UGT1A3: variants seen among roughly 807,000 people sequenced by gnomAD.
UGT1A3 encodes the protein UDP glucuronosyltransferase family 1 member A3.
UGT1A3 carries 31 observed loss-of-function variants against 41.0 expected under a neutral mutation model. The observed-to-expected ratio is 0.76, with a 90% CI of 0.57 to 1.02. The LOEUF (loss-of-function observed/expected upper bound fraction) is 1.02. Ranked by LOEUF, UGT1A3 falls within the 50% of genes least tolerant of loss-of-function variation. The pLI, the probability that UGT1A3 is intolerant of heterozygous loss-of-function variation, is 0.00. For missense variants in UGT1A3, 737 were observed against 671.0 expected (o/e 1.10, Z -1.09); for synonymous variants, 262 against 257.6 (o/e 1.02, Z -0.17).
In UGT1A3 at chr2:233,729,061, T is replaced by C. The variant is rs3806596; in HGVS notation, c.-66T>C. On this transcript the variant is annotated 5_prime_UTR_variant, in exon 1 of 5. An upstream start codon of the reference 5' UTR is lost. Transcript: ENST00000482026. ...TGGCTCAGTGACAAGGTAATTAAGA[T>C]GAAGAAAGCAAATGTAGCAGGCACA... The C allele has an allele frequency of 0.47, 753,810 of 1,610,256 alleles. 184,343 individuals are homozygous for C. Among genetic ancestry groups the C allele is most frequent in the African/African-American group, 0.83 (61,848 of 74,960 alleles).
rs3064744 is a variant in UGT1A3, at chr2:233,760,233, C to CAT, written c.868-6787_868-6786dup. 448,036 of 1,466,600 alleles carry CAT rather than the reference C, an allele frequency of 0.31. 31,217 individuals are homozygous for CAT. The highest frequency in any genetic ancestry group is 0.38 in the African/African-American group (27,001 of 71,942). The allele number at this position is 1,466,600 out of a possible 1,614,324, so 90.8% of individuals were successfully genotyped here. ...ACTTGGTGTATCGATTGGTTTTTGC[C>CAT]ATATATATATATATAAGTAGGAGAG... On this transcript the variant is annotated intron_variant, in intron 1 of 4. Coordinates refer to ENST00000482026, the MANE Select transcript of UGT1A3 (RefSeq NM_019093.4).
chr2:233,734,413 C>G (rs1324994664), intron 1 of UGT1A3, among the ~76,000 whole-genome samples: 1 of 152,086 alleles, frequency 6.6e-6, no homozygotes, highest in Non-Finnish European at 1.5e-5. Flanking sequence ...ATTCTTCTCT[C>G]TTTTCTTCTT....
chr2:233,768,235 G>T lies in UGT1A3; in HGVS notation c.1103G>T (p.Arg368Leu), dbSNP rs374047963. 32 of 1,614,018 alleles carry T rather than the reference G, an allele frequency of 2.0e-5. No homozygotes were observed. Among genetic ancestry groups the T allele is most frequent in the African/African-American group, 1.3e-5 (1 of 74,898 alleles). Residue 368 changes from arginine (R) to leucine (L), a missense_variant, in exon 4 of 5, where the codon CGT becomes CTT. Physicochemically the swap from Arg to Leu is moderately radical, Grantham distance 102. Transcript: ENST00000482026. ...QNDLLGHPMT[R>L]AFITHAGSHG... is the part of the protein sequence containing the mutation. ...TGCATCTCAGGTCACCCGATGACCC[G>T]TGCCTTTATCACCCATGCTGGTTCC...
rs189834319 is a variant in UGT1A3, at chr2:233,769,760, C to T, written c.1307+1321C>T. On this transcript the variant is annotated intron_variant, in intron 4 of 4. Transcript: ENST00000482026. The surrounding 1 kb of genome is among the most constrained non-coding windows in gnomAD (Gnocchi z 4.4). ...GTCCCAGCCACTCTGGAGGCTAAGG[C>T]GGGAGGATTGCTTGAGCCCAGAAGT... The T allele has an allele frequency of 8.3e-4, 1,153 of 1,396,052 alleles. 4 individuals are homozygous for T. The African/African-American group carries it at 9.8e-3, about 12-fold the overall frequency. 86.5% of individuals were successfully genotyped at this position (1,396,052 alleles called of 1,614,324 possible).
intron 1 of UGT1A3, among the ~76,000 whole-genome samples, chr2:233,759,718 G>C (rs914055324): frequency 2.0e-5 from 3 of 151,782 alleles, no homozygotes; most frequent in African/African-American, 7.3e-5. Context: ...TCGTGTGGTG[G>C]GCTCTGCTGC....
chr2:233,749,951 T>C (rs566356604), intron 1 of UGT1A3, among the ~76,000 whole-genome samples: 1 of 151,998 alleles, frequency 6.6e-6, no homozygotes, highest in South Asian at 2.1e-4. Context: ...AATTACCGAG[T>C]CTTGGGTATG....
At chr2:233,764,379 G>A (rs1698547509) in intron 1 of UGT1A3, among the ~76,000 whole-genome samples, 1 of 152,204 alleles carries the variant, frequency 6.6e-6, no homozygotes, top group South Asian at 2.1e-4. Flanking sequence ...TCAGGTAGGA[G>A]TTGGCCGTGA....
At chr2:233,754,816 C>A (rs1436374253) in intron 1 of UGT1A3, 2 of 1,325,550 alleles carry the variant, frequency 1.5e-6, no homozygotes, top group Admixed American at 3.9e-5. Context: ...GAAAAACCAC[C>A]CTCAAAAGCT....
rs1170923656 is a variant in UGT1A3 at position 233,772,696 on chromosome 2, T to TA, written c.*143dup. The TA allele has an allele frequency of 2.8e-5, 41 of 1,482,484 alleles. No individual in the cohort carries two copies. The highest frequency in any genetic ancestry group is 3.6e-5 in the Non-Finnish European group (41 of 1,123,730). The allele number at this position is 1,482,484 out of a possible 1,614,324, so 91.8% of individuals were successfully genotyped here. ...TAAATTAATCAGCCCCAGAGTGCTT[T>TA]AAAAAATTCTCTTAAATAAAAATAA... On this transcript the variant is annotated 3_prime_UTR_variant, in exon 5 of 5. Transcript: ENST00000482026.
chr2:233,764,538 TG>T (rs1304174428), intron 1 of UGT1A3, among the ~76,000 whole-genome samples: 1 of 152,146 alleles, frequency 6.6e-6, no homozygotes, highest in Non-Finnish European at 1.5e-5. Flanking sequence ...GATTGCTGAG[TG>T]GGCGTGTGGG....
At chr2:233,736,528 A>T (rs895463431) in intron 1 of UGT1A3, among the ~76,000 whole-genome samples, 1 of 152,204 alleles carries the variant, frequency 6.6e-6, no homozygotes, top group African/African-American at 2.4e-5. Context: ...CGTCAAAGTC[A>T]TTCTCTTTCC....
In UGT1A3 at chr2:233,769,763, G is replaced by A; in HGVS notation, c.1307+1324G>A. 4 of 1,411,540 alleles carry A rather than the reference G, an allele frequency of 2.8e-6. No homozygotes were observed. The South Asian group carries it at 4.7e-5, about 17-fold the overall frequency. The allele number at this position is 1,411,540 out of a possible 1,614,324, so 87.4% of individuals were successfully genotyped here. A position where few individuals can be genotyped will look rare whatever the true frequency, so the allele number is the denominator to read the frequency against. ...CCAGCCACTCTGGAGGCTAAGGCGG[G>A]AGGATTGCTTGAGCCCAGAAGTTGG... On this transcript the variant is annotated intron_variant, in intron 4 of 4. Transcript: ENST00000482026. The surrounding 1 kb of genome is among the most constrained non-coding windows in gnomAD (Gnocchi z 4.4).
intron 1 of UGT1A3, among the ~76,000 whole-genome samples, chr2:233,752,890 C>G (rs537828663): frequency 5.9e-5 from 9 of 152,204 alleles, no homozygotes; most frequent in African/African-American, 1.7e-4. Flanking sequence ...AACTAGCCAG[C>G]GTTGTTACAG....
intron 1 of UGT1A3, among the ~76,000 whole-genome samples, chr2:233,765,966 G>A (rs538817499): frequency 3.1e-4 from 47 of 152,252 alleles, no homozygotes; most frequent in African/African-American, 1.1e-3. Context: ...GTGTCTAGAG[G>A]TGGATGTTTA....
chr2:233,734,934 T>A (rs2078587664), intron 1 of UGT1A3, among the ~76,000 whole-genome samples: 1 of 152,172 alleles, frequency 6.6e-6, no homozygotes, highest in Admixed American at 6.6e-5. Flanking sequence ...TTACTTACAA[T>A]CATATGGTCA....
intron 1 of UGT1A3, among the ~76,000 whole-genome samples, chr2:233,761,681 C>T (rs1697835350): frequency 6.6e-6 from 1 of 152,246 alleles, no homozygotes; most frequent in Non-Finnish European, 1.5e-5. Flanking sequence ...CAGGTTCTGA[C>T]ATGATACAGA....
intron 1 of UGT1A3, among the ~76,000 whole-genome samples, chr2:233,766,079 G>A (rs1159217409): frequency 1.3e-5 from 2 of 152,140 alleles, no homozygotes; most frequent in East Asian, 1.9e-4. Flanking sequence ...CTACCTTGTC[G>A]CAAGGACAGA....
chr2:233,744,088 A>C, intron 1 of UGT1A3: 1 of 431,958 alleles, frequency 2.3e-6, no homozygotes, highest in South Asian at 2.0e-5. Context: ...CCCAAGATGC[A>C]GTGCTTCTGG....
chr2:233,741,715 A>AG (rs2125837750), intron 1 of UGT1A3: 1 of 152,002 alleles, frequency 6.6e-6, no homozygotes, highest in African/African-American at 2.4e-5. Context: ...TGAGGGTTCT[A>AG]GAGCATATCC....
Sources: gnomAD v4.1 joint callset for allele counts (sites outside exome capture counted in the v4.1 genomes callset) on GRCh38, gnomAD v4.1.1 for gene constraint, Gnocchi (gnomAD v3.1) non-coding constraint, MANE v1.5 for transcripts, NCBI Gene and HGNC (gene_info 2026-07-23, HGNC 2026-07-21) for gene names.